Variants in NAA16 observed in about 807,000 individuals in gnomAD.
NAA16 encodes NARG1-like protein.
NAA16 carries 97 observed loss-of-function variants against 110.3 expected under a neutral mutation model. The observed-to-expected ratio is 0.88, with a 90% CI of 0.75 to 1.04. NAA16 has a LOEUF of 1.04. Among genes scored for constraint, NAA16 ranks in the 50% least tolerant of loss-of-function variants. The pLI, the probability that NAA16 is intolerant of heterozygous loss-of-function variation, is 0.00. For synonymous variants in NAA16, 372 were observed against 330.6 expected (o/e 1.13, Z -1.36); for missense variants, 1,017 against 1,005.1 (o/e 1.01, Z -0.16).
At chr13:41,313,540 T>C (rs2041711632) in intron 1 of NAA16, among the ~76,000 whole-genome samples, 1 of 152,232 alleles carries the variant, frequency 6.6e-6, no homozygotes, top group Non-Finnish European at 1.5e-5. Context: ...CTTTAAAGTT[T>C]AGTGGATTAA....
chr13:41,324,957 G>GTTT lies in NAA16; in HGVS notation c.538-725_538-723dup, dbSNP rs145690016. On this transcript the variant is annotated intron_variant, in intron 5 of 19. Transcript: ENST00000379406. ...GTGTTAATATAACTTTTTTAGTTTA[G>GTTT]TTTTTTTTTTTTTTTTTTGAGACTG... Among the ~76,000 whole-genome samples the GTTT allele has an allele frequency of 2.6e-3, 313 of 119,404 alleles. 9 individuals carry two copies. The East Asian group carries it at 0.036, about 14-fold the overall frequency. The allele number at this position is 119,404 out of a possible 152,430, so 78.3% of individuals were successfully genotyped here.
intron 9 of NAA16, among the ~76,000 whole-genome samples, chr13:41,342,169 G>T (rs1439336560): frequency 1.6e-5 from 2 of 127,840 alleles, no homozygotes; most frequent in South Asian, 2.7e-4. Flanking sequence ...ACAGAGTCTT[G>T]CTCTGCCGCC....
chr13:41,343,253 T>C (rs991884233), intron 9 of NAA16, among the ~76,000 whole-genome samples: 2 of 152,048 alleles, frequency 1.3e-5, no homozygotes, highest in African/African-American at 4.8e-5. Flanking sequence ...CCACGATGCC[T>C]AGTTAATTTT....
intron 13 of NAA16, among the ~76,000 whole-genome samples, chr13:41,363,396 T>A (rs1371548748): frequency 7.9e-5 from 12 of 152,342 alleles, no homozygotes; most frequent in Admixed American, 5.9e-4. Flanking sequence ...ACTAGAAACT[T>A]ACCAAATTTT....
rs779631658 is a variant in NAA16, at chr13:41,318,867, G to A, written c.201G>A (p.Glu67=). The change falls in exon 3 of 20, where the codon GAG becomes GAA. Residue 67 remains glutamate (E), a synonymous_variant. Transcript: ENST00000379406. Reference sequence around the variant, plus strand: ...TAGGAAAAAAAGAAGAAGCTTATGAGTTTGTTCGTAAAGGACTTCGTAATG... The same window carrying A: ...TAGGAAAAAAAGAAGAAGCTTATGAATTTGTTCGTAAAGGACTTCGTAATG... The part of the protein sequence containing the change: ...NCLGKKEEAY[E]FVRKGLRNDV... 7.5e-6 allele frequency: 12 copies of A among 1,604,564 alleles called. No homozygotes were observed. The highest frequency in any genetic ancestry group is 4.5e-5 in the South Asian group (4 of 89,078).
chr13:41,317,586 T>A (rs1225873311), intron 2 of NAA16, among the ~76,000 whole-genome samples: 2 of 152,226 alleles, frequency 1.3e-5, no homozygotes, highest in African/African-American at 2.4e-5. Context: ...ATCATCTTAT[T>A]GGGAAAATAG....
chr13:41,331,188 A>C, intron 7 of NAA16, 86 bp from the exon 8 acceptor site: 1 of 794,894 alleles, frequency 1.3e-6, no homozygotes. Flanking sequence ...AGTTTTATTT[A>C]TAACAAAATT....
intron 1 of NAA16, among the ~76,000 whole-genome samples, chr13:41,314,330 T>C (rs773995748): frequency 2.0e-5 from 3 of 152,234 alleles, no homozygotes; most frequent in Non-Finnish European, 4.4e-5. Flanking sequence ...TATTTGTCTT[T>C]CTCAGTAGTT....
chr13:41,361,090 A>G (rs1433054303), intron 12 of NAA16, among the ~76,000 whole-genome samples: 2 of 152,220 alleles, frequency 1.3e-5, no homozygotes, highest in Non-Finnish European at 2.9e-5. Flanking sequence ...TCCTGGGGTC[A>G]TATAAAATAT....
At chr13:41,313,721 A>G (rs549722761) in intron 1 of NAA16, among the ~76,000 whole-genome samples, 48 of 152,342 alleles carry the variant, frequency 3.2e-4, no homozygotes, top group African/African-American at 1.1e-3. Context: ...GAGGTATTCC[A>G]TGCCCTCTTT....
intron 9 of NAA16, among the ~76,000 whole-genome samples, chr13:41,346,265 G>A (rs2042678622): frequency 6.6e-6 from 1 of 152,178 alleles, no homozygotes; most frequent in South Asian, 2.1e-4. Context: ...GATCTTGGCA[G>A]CCTTGTCTAA....
rs183787110 is a variant in NAA16 at position 41,320,618 on chromosome 13, A to G, written c.245-49A>G. 261 of 1,478,728 alleles carry G rather than the reference A, an allele frequency of 1.8e-4. No individual in the cohort carries two copies. The African/African-American group carries it at 3.1e-3, about 18-fold the overall frequency. The allele number at this position is 1,478,728 out of a possible 1,614,324, so 91.6% of individuals were successfully genotyped here. A position where few individuals can be genotyped will look rare whatever the true frequency, so the allele number is the denominator to read the frequency against. On this transcript the variant is annotated intron_variant, in intron 3 of 19. Coordinates refer to ENST00000379406, the MANE Select transcript of NAA16 (RefSeq NM_024561.5). The stretch of plus-strand genomic sequence containing the variant: ...GTAACTTTTATATTAGATATGTATC[A>G]TAGAATATTCTAGTGTCTGTGTATG...
intron 9 of NAA16, among the ~76,000 whole-genome samples, chr13:41,344,938 A>G (rs1566273890): frequency 6.6e-6 from 1 of 152,132 alleles, no homozygotes; most frequent in Non-Finnish European, 1.5e-5. Flanking sequence ...CTTTCTGTCT[A>G]TGGATTTCCC....
chr13:41,351,949 A>G (rs2042847200), intron 9 of NAA16, among the ~76,000 whole-genome samples: 8 of 152,238 alleles, frequency 5.3e-5, no homozygotes, highest in Admixed American at 5.2e-4. Context: ...TATAAATGGT[A>G]AGTAAACTTG....
chr13:41,315,333 A>T (rs1485483334), intron 1 of NAA16, among the ~76,000 whole-genome samples: 1 of 152,182 alleles, frequency 6.6e-6, no homozygotes, highest in African/African-American at 2.4e-5. Context: ...GTGACTGAAC[A>T]ATGTAAGCCA....
chr13:41,313,498 A>G (rs893926229), intron 1 of NAA16, among the ~76,000 whole-genome samples: 5 of 152,256 alleles, frequency 3.3e-5, no homozygotes, highest in South Asian at 4.1e-4. Context: ...AACAAATTCC[A>G]TAGCAAACAG....
At chr13:41,324,924 A>G (rs914503617) in intron 5 of NAA16, among the ~76,000 whole-genome samples, 5 of 146,510 alleles carry the variant, frequency 3.4e-5, no homozygotes, top group East Asian at 2.0e-4. Flanking sequence ...TTAATAGACT[A>G]TAGTGTAGTG....
At chr13:41,352,170 C>T (rs1306002836) in intron 9 of NAA16, among the ~76,000 whole-genome samples, 2 of 152,048 alleles carry the variant, frequency 1.3e-5, no homozygotes, top group Non-Finnish European at 2.9e-5. Context: ...GGCAAAACCC[C>T]GTCTCTACAA....
At chr13:41,338,780 T>C (rs1201190004) in intron 9 of NAA16, among the ~76,000 whole-genome samples, 1 of 152,192 alleles carries the variant, frequency 6.6e-6, no homozygotes, top group Non-Finnish European at 1.5e-5. Flanking sequence ...ATTATTTCAA[T>C]AGATTTTGGG....
Sources: gnomAD v4.1 joint callset for allele counts (sites outside exome capture counted in the v4.1 genomes callset) on GRCh38, gnomAD v4.1.1 for gene constraint, MANE v1.5 for transcripts, NCBI Gene and HGNC (gene_info 2026-07-23, HGNC 2026-07-21) for gene names.